Variants in DIS3L2 observed in about 807,000 individuals in gnomAD.
The protein encoded by DIS3L2 is DIS3 like 3'-5' exoribonuclease 2.
Under a neutral mutation model 97.5 loss-of-function variants are expected in DIS3L2, and 34 were observed. That is an observed-to-expected ratio of 0.35 (90% CI 0.27 to 0.46). The LOEUF (loss-of-function observed/expected upper bound fraction) is 0.46, where lower values mean the gene tolerates loss of function less well. DIS3L2 is among the 20% of genes least tolerant of loss of function. The pLI is 1.00. For synonymous variants in DIS3L2, 435 were observed against 445.2 expected (o/e 0.98, Z 0.29); for missense variants, 1,038 against 1,146.0 (o/e 0.91, Z 1.36).
At chr2:232,219,470 G>A (rs1363627931) in intron 10 of DIS3L2, among the ~76,000 whole-genome samples, 1 of 152,062 alleles carries the variant, frequency 6.6e-6, no homozygotes, top group African/African-American at 2.4e-5. Context: ...TGGGTTGCCT[G>A]TGGGTTTATA....
At chr2:232,079,196 A>AAT (rs932737556) in intron 5 of DIS3L2, among the ~76,000 whole-genome samples, 1 of 152,226 alleles carries the variant, frequency 6.6e-6, no homozygotes, top group African/African-American at 2.4e-5. Context: ...TACAGCAGTG[A>AAT]ATAGAATAGA....
chr2:232,166,249 A>G (rs1345872643), intron 9 of DIS3L2, among the ~76,000 whole-genome samples: 2 of 152,016 alleles, frequency 1.3e-5, no homozygotes. Context: ...ACGGAGCAAG[A>G]CTCTGTCTAA....
chr2:232,011,632 C>T lies in DIS3L2; in HGVS notation c.-93-3203C>T, dbSNP rs566349162. ...CCTCCCAAAGTGCTGGGATTACAGGCGTGAGCCACTGTGCCTGCCTGTTTG... is the reference window on the plus strand; with the variant it reads ...CCTCCCAAAGTGCTGGGATTACAGGTGTGAGCCACTGTGCCTGCCTGTTTG... On this transcript the variant is annotated intron_variant, in intron 1 of 20. Coordinates refer to ENST00000325385, the MANE Select transcript of DIS3L2 (RefSeq NM_152383.5). 5.3e-5 allele frequency among the ~76,000 whole-genome samples: 8 copies of T among 151,580 alleles called. No individual in the cohort carries two copies. The South Asian group carries it at 1.0e-3, about 20-fold the overall frequency.
At chr2:232,102,820 A>G (rs1056703878) in intron 6 of DIS3L2, among the ~76,000 whole-genome samples, 1 of 152,218 alleles carries the variant, frequency 6.6e-6, no homozygotes, top group Non-Finnish European at 1.5e-5. Flanking sequence ...ACTCTAAAGC[A>G]TAAAATAATA....
At chr2:232,184,425 T>C (rs920245518) in intron 9 of DIS3L2, among the ~76,000 whole-genome samples, 1 of 151,982 alleles carries the variant, frequency 6.6e-6, no homozygotes, top group East Asian at 1.9e-4. Flanking sequence ...GTACTTTGGG[T>C]GGATTGATTG....
Position 232,212,435 on chromosome 2 carries a change from C to T in DIS3L2, c.1204+2030C>T, listed in dbSNP as rs144215127. Among the ~76,000 whole-genome samples the T allele has an allele frequency of 2.0e-5, 3 of 152,332 alleles. No individual in the cohort carries two copies. The East Asian group carries it at 5.8e-4, about 29-fold the overall frequency. On this transcript the variant is annotated intron_variant, in intron 10 of 20. Transcript: ENST00000325385. The stretch of plus-strand genomic sequence containing the variant: ...TTCCTCTGTCTCAGCTGGCCTGGAA[C>T]CCTGCACCTTGCAGGGTCTCCAGGG...
Position 232,154,855 on chromosome 2 carries a change from A to T in DIS3L2, c.951-8604A>T, listed in dbSNP as rs1030548573. On this transcript the variant is annotated intron_variant, in intron 8 of 20. Coordinates refer to ENST00000325385, the MANE Select transcript of DIS3L2 (RefSeq NM_152383.5). ...GACTGCTGTGCTAGCAATCAGCGAG[A>T]TTCCGTGGGCGTAGGACCCTCTGAG... is the stretch of plus-strand genomic sequence containing the variant. 1.2e-4 allele frequency among the ~76,000 whole-genome samples: 8 copies of T among 69,426 alleles called. No individual in the cohort carries two copies. The Admixed American group carries it at 1.4e-3, about 12-fold the overall frequency. 45.5% of individuals were successfully genotyped at this position (69,426 alleles called of 152,430 possible).
At chr2:232,252,466 C>A (rs1240414209) in intron 12 of DIS3L2, among the ~76,000 whole-genome samples, 1 of 152,138 alleles carries the variant, frequency 6.6e-6, no homozygotes, top group African/African-American at 2.4e-5. Context: ...CTCTCGTGGG[C>A]TTCTACATTC....
intron 13 of DIS3L2, among the ~76,000 whole-genome samples, chr2:232,279,942 T>C (rs1250005380): frequency 2.6e-5 from 4 of 152,256 alleles, no homozygotes; most frequent in African/African-American, 9.6e-5. Flanking sequence ...CTCCATTCTC[T>C]CTGGCTTATC....
At chr2:232,329,381 C>T in intron 14 of DIS3L2, 1 of 160,142 alleles carries the variant, frequency 6.2e-6, no homozygotes, top group Non-Finnish European at 1.4e-5. Context: ...GGTTCCCATG[C>T]CCTGGGCGAG....
intron 6 of DIS3L2, among the ~76,000 whole-genome samples, chr2:232,114,401 A>G (rs1345507236): frequency 6.6e-6 from 1 of 152,222 alleles, no homozygotes; most frequent in Non-Finnish European, 1.5e-5. Context: ...TTTCTAGCTT[A>G]GCAACTGTGT....
intron 13 of DIS3L2, 84 bp from the exon 14 acceptor site, chr2:232,299,956 T>G: frequency 3.6e-6 from 5 of 1,384,428 alleles, no homozygotes; most frequent in Non-Finnish European, 5.1e-6. Flanking sequence ...GTGACTTCGT[T>G]TGATTTTATT....
intron 13 of DIS3L2, 105 bp from the exon 14 acceptor site, chr2:232,299,935 C>A: frequency 1.7e-6 from 2 of 1,148,210 alleles, no homozygotes; most frequent in Non-Finnish European, 2.5e-6. Context: ...AACACATTGA[C>A]TTGAGGGAGT....
At chr2:232,088,116 G>A (rs1348389430) in intron 6 of DIS3L2, among the ~76,000 whole-genome samples, 2 of 152,266 alleles carry the variant, frequency 1.3e-5, no homozygotes, top group East Asian at 3.9e-4. Flanking sequence ...AAGTATTTTT[G>A]TCGGCTGGGC....
intron 9 of DIS3L2, among the ~76,000 whole-genome samples, chr2:232,204,704 C>T (rs1691983020): frequency 6.6e-6 from 1 of 152,136 alleles, no homozygotes; most frequent in Non-Finnish European, 1.5e-5. Flanking sequence ...CAAAGCCTTC[C>T]AGAAAAGGAG....
chr2:232,249,654 T>C (rs1409159191), intron 12 of DIS3L2, among the ~76,000 whole-genome samples: 1 of 152,082 alleles, frequency 6.6e-6, no homozygotes, highest in Non-Finnish European at 1.5e-5. Flanking sequence ...TGGGATTGAA[T>C]GAGGATTGGC....
chr2:232,339,748 C>G (rs1381309148), downstream of DIS3L2: 1 of 455,726 alleles, frequency 2.2e-6, no homozygotes, highest in Admixed American at 2.3e-5. Flanking sequence ...GCCGGGCCTG[C>G]CCAGCAGTGC....
At chr2:232,121,045 C>G (rs996419218) in intron 6 of DIS3L2, among the ~76,000 whole-genome samples, 1 of 152,180 alleles carries the variant, frequency 6.6e-6, no homozygotes, top group Non-Finnish European at 1.5e-5. Flanking sequence ...CTGTCCTCCC[C>G]CTACAGCTTC....
intron 9 of DIS3L2, among the ~76,000 whole-genome samples, chr2:232,200,454 A>G (rs926641762): frequency 1.3e-5 from 2 of 152,156 alleles, no homozygotes; most frequent in African/African-American, 4.8e-5. Context: ...CAGGGATTGT[A>G]CAGCTTGTGA....
Sources: allele counts gnomAD v4.1 joint callset (sites outside exome capture counted in the v4.1 genomes callset), GRCh38; gene constraint gnomAD v4.1.1; transcripts MANE v1.5; gene names NCBI Gene and HGNC (gene_info 2026-07-23, HGNC 2026-07-21).